Variants in MAST4 observed in about 807,000 individuals in gnomAD.
MAST4 encodes the protein microtubule associated serine/threonine kinase family member 4.
A neutral mutation model predicts 162.7 loss-of-function variants in MAST4; 89 were observed. That is an observed-to-expected ratio of 0.55 (90% CI 0.46 to 0.65). MAST4 has a LOEUF of 0.65. Ranked by LOEUF, MAST4 falls within the 30% of genes least tolerant of loss-of-function variation. The probability of loss-of-function intolerance (pLI) is 0.00; values close to 1 mark genes in which losing one functional copy is unlikely to be tolerated. For missense variants in MAST4, 3,153 were observed against 3,374.0 expected, an observed-to-expected ratio of 0.93 and a Z score of 1.62; for synonymous variants, 1,479 against 1,361.1, an observed-to-expected ratio of 1.09 and a Z score of -1.91.
chr5:67,036,655 T>A (rs1756054829), intron 4 of MAST4, among the ~76,000 whole-genome samples: 2 of 152,198 alleles, frequency 1.3e-5, no homozygotes. Flanking sequence ...ATGTAAATAC[T>A]GTGTAAATAG....
At chr5:66,898,206 C>G (rs1233029922) in intron 3 of MAST4, among the ~76,000 whole-genome samples, 1 of 152,054 alleles carries the variant, frequency 6.6e-6, no homozygotes, top group Non-Finnish European at 1.5e-5. Context: ...CTCAGCTACT[C>G]AGGAGGCTGA....
intron 3 of MAST4, among the ~76,000 whole-genome samples, chr5:66,866,026 G>C (rs974211126): frequency 3.6e-5 from 5 of 139,562 alleles, no homozygotes; most frequent in Non-Finnish European, 7.5e-5. Flanking sequence ...AGTGAGCCTA[G>C]ATCGCACCAC....
chr5:67,078,917 T>TATATATATATATA lies in MAST4; in HGVS notation c.764-11244_764-11232dup, dbSNP rs1554093896. Among the ~76,000 whole-genome samples, 4 of 55,108 alleles carry TATATATATATATA rather than the reference T, an allele frequency of 7.3e-5. 1 individual carries two copies. Among genetic ancestry groups the TATATATATATATA allele is most frequent in the Non-Finnish European group, 1.2e-4 (4 of 33,230 alleles). 36.2% of individuals were successfully genotyped at this position (55,108 alleles called of 152,430 possible). ...ATTTATATATTTTTATATAAATATA[T>TATATATATATATA]ATATATATATATATATATATATATA... On this transcript the variant is annotated intron_variant, in intron 5 of 28. Transcript: ENST00000403625.
At chr5:66,741,215 T>C (rs984047272) in intron 1 of MAST4, among the ~76,000 whole-genome samples, 2 of 152,140 alleles carry the variant, frequency 1.3e-5, no homozygotes, top group African/African-American at 4.8e-5. Context: ...TTCAGAGCAG[T>C]CTTCTCTGGT....
rs766577361 is a variant in MAST4, at chr5:67,163,226, C to T, written c.4047C>T (p.Ser1349=). The change falls in exon 29 of 29, where the codon AGC becomes AGT. Residue 1349 remains serine, a synonymous_variant. Coordinates refer to ENST00000403625, the MANE Select transcript of MAST4 (RefSeq NM_001164664.2). This position sits in a 1 kb window ranked among gnomAD's most constrained non-coding sequence, Gnocchi z 7.0. ...CAGGGTCCGGGCACATCCGGCCCAG[C>T]ACTCTCCACGGTCTTGCACCCAAAC... ...SPAGSGHIRP[S]TLHGLAPKLG... is the part of the protein sequence containing the mutation. The T allele has an allele frequency of 2.5e-6, 4 of 1,613,802 alleles. No individual in the cohort carries two copies. In the African/African-American group the frequency reaches 5.3e-5, roughly 22 times the overall value.
chr5:66,746,844 G>A (rs1380028092), intron 1 of MAST4, among the ~76,000 whole-genome samples: 2 of 152,236 alleles, frequency 1.3e-5, no homozygotes, highest in East Asian at 3.9e-4. Context: ...AGTATTTTCC[G>A]TGTTCTCCCA....
intron 4 of MAST4, among the ~76,000 whole-genome samples, chr5:67,031,166 G>A (rs1755269112): frequency 6.6e-6 from 1 of 152,072 alleles, no homozygotes; most frequent in South Asian, 2.1e-4. Flanking sequence ...TCAGTTCCTG[G>A]TGGGTGGAGA....
chr5:67,036,748 A>G (rs1056190422), intron 4 of MAST4, among the ~76,000 whole-genome samples: 1 of 152,242 alleles, frequency 6.6e-6, no homozygotes. Context: ...TTCACCAAGT[A>G]TTTTCTGTCT....
At chr5:66,845,825 G>A (rs1758815908) in intron 3 of MAST4, among the ~76,000 whole-genome samples, 1 of 152,082 alleles carries the variant, frequency 6.6e-6, no homozygotes, top group African/African-American at 2.4e-5. Flanking sequence ...AAGATTAGTG[G>A]ACCAAATGAA....
intron 13 of MAST4, among the ~76,000 whole-genome samples, chr5:67,120,620 C>A (rs1275237127): frequency 2.6e-5 from 4 of 152,286 alleles, no homozygotes; most frequent in East Asian, 3.9e-4. Context: ...AAGAGACATG[C>A]TCTGTCAGGG....
chr5:66,782,844 T>C (rs1010971957), intron 2 of MAST4, among the ~76,000 whole-genome samples: 2 of 152,238 alleles, frequency 1.3e-5, no homozygotes, highest in African/African-American at 4.8e-5. Flanking sequence ...ATGCTAATTT[T>C]CTTAAATTGT....
intron 1 of MAST4, among the ~76,000 whole-genome samples, chr5:66,604,172 T>C (rs1742731355): frequency 6.6e-6 from 1 of 152,194 alleles, no homozygotes; most frequent in African/African-American, 2.4e-5. Context: ...CATTTAAGTT[T>C]ATGGAACTTG....
chr5:66,784,202 C>T (rs542823300), intron 2 of MAST4, among the ~76,000 whole-genome samples: 2,370 of 151,992 alleles, frequency 0.016, 59 homozygotes, highest in African/African-American at 0.053. Flanking sequence ...GCCATAGGAA[C>T]TACCATCTTG....
intron 13 of MAST4, among the ~76,000 whole-genome samples, chr5:67,119,705 A>G (rs1767348495): frequency 6.6e-6 from 1 of 152,232 alleles, no homozygotes; most frequent in Admixed American, 6.5e-5. Flanking sequence ...TTCCTTTGAA[A>G]CATTAAAGAA....
At chr5:66,741,260 G>A (rs981072745) in intron 1 of MAST4, among the ~76,000 whole-genome samples, 4 of 152,064 alleles carry the variant, frequency 2.6e-5, no homozygotes, top group Admixed American at 6.5e-5. Flanking sequence ...ATTCTTTGTC[G>A]CATCTCCTGC....
chr5:67,075,246 C>A (rs1035431902), intron 5 of MAST4, among the ~76,000 whole-genome samples: 1 of 151,394 alleles, frequency 6.6e-6, no homozygotes, highest in East Asian at 1.9e-4. Flanking sequence ...TCGTGGCTCC[C>A]TGCAGCTTTG....
Position 67,095,618 on chromosome 5 carries a change from G to T in MAST4, c.855G>T (p.Ser285=), listed in dbSNP as rs749371280. The change falls in exon 7 of 29, where the codon TCG becomes TCT. Residue 285 remains serine, a synonymous_variant. Coordinates refer to ENST00000403625, the MANE Select transcript of MAST4 (RefSeq NM_001164664.2). ...FARRTDGRRW[S]LASLPSSGYG... is the part of the protein sequence containing the mutation. ...ATAGGACTGATGGACGCCGCTGGTC[G>T]TTGGCTTCTCTCCCTTCCTCTGGCT... 16 of 1,609,128 alleles carry T rather than the reference G, an allele frequency of 9.9e-6. No individual in the cohort carries two copies. Among genetic ancestry groups the T allele is most frequent in the Non-Finnish European group, 1.3e-5 (15 of 1,177,388 alleles).
chr5:66,967,540 CT>C (rs1746889381), intron 4 of MAST4, among the ~76,000 whole-genome samples: 1 of 152,078 alleles, frequency 6.6e-6, no homozygotes, highest in South Asian at 2.1e-4. Flanking sequence ...GATTTCTGAA[CT>C]TTTAATGGGC....
At chr5:66,629,296 C>A (rs1175206430) in intron 1 of MAST4, among the ~76,000 whole-genome samples, 1 of 152,188 alleles carries the variant, frequency 6.6e-6, no homozygotes, top group African/African-American at 2.4e-5. Flanking sequence ...GGTTTTGACA[C>A]TGGTGGTTTT....
Sources: allele counts gnomAD v4.1 joint callset (sites outside exome capture counted in the v4.1 genomes callset), GRCh38; gene constraint gnomAD v4.1.1; non-coding constraint Gnocchi (gnomAD v3.1); transcripts MANE v1.5; gene names NCBI Gene and HGNC (gene_info 2026-07-23, HGNC 2026-07-21).